NXF1: variants seen among roughly 807,000 people sequenced by gnomAD.
The protein encoded by NXF1 is nuclear RNA export factor 1.
NXF1 carries 43 observed loss-of-function variants against 92.4 expected under a neutral mutation model. The ratio of observed to expected loss-of-function variants is 0.47; its 90% confidence interval spans 0.36 to 0.60. The LOEUF is 0.60. NXF1 is among the 20% of genes least tolerant of loss of function. NXF1 has a pLI of 0.00. For missense variants in NXF1, 576 were observed against 793.0 expected (o/e 0.73, Z 3.29); for synonymous variants, 288 against 292.2 (o/e 0.99, Z 0.15).
chr11:62,799,469 G>A, intron 10 of NXF1: 1 of 985,820 alleles, frequency 1.0e-6, no homozygotes, highest in Non-Finnish European at 1.2e-6. Context: ...GGGGGTGAGG[G>A]TCCATGCCCC....
Position 62,792,146 on chromosome 11 carries a change from A to G in NXF1, c.*330T>C. The G allele has an allele frequency of 4.3e-6, 3 of 691,274 alleles. No individual in the cohort carries two copies. Among genetic ancestry groups the G allele is most frequent in the Non-Finnish European group, 4.7e-6 (2 of 421,222 alleles). 42.8% of individuals were successfully genotyped at this position (691,274 alleles called of 1,614,324 possible). A position where few individuals can be genotyped will look rare whatever the true frequency, so the allele number is the denominator to read the frequency against. On this transcript the variant is annotated 3_prime_UTR_variant, in exon 21 of 21. Coordinates refer to ENST00000294172, the MANE Select transcript of NXF1 (RefSeq NM_006362.5). ...AACACGAAATACAACATCACTCTTTATATTAAAAAGTGCAGAACACGAAAT... is the reference window on the plus strand; with the variant it reads ...AACACGAAATACAACATCACTCTTTGTATTAAAAAGTGCAGAACACGAAAT...
At position 62,803,984 on chromosome 11, in the gene NXF1, G is replaced by A. The variant is rs2084507733; in HGVS notation, c.29-6C>T. 3 of 1,611,760 alleles carry A rather than the reference G, an allele frequency of 1.9e-6. No homozygotes were observed. The highest frequency in any genetic ancestry group is 1.7e-4 in the Middle Eastern group (1 of 6,052). ...AACGCGTTCATCATCGTGTTCTAGA[G>A]TTAGAAACAGGAACACAAATTAGAA... On this transcript the variant is annotated splice_region_variant and splice_polypyrimidine_tract_variant and intron_variant, in intron 1 of 20. Transcript: ENST00000294172.
At chr11:62,798,648 A>AC in intron 10 of NXF1, 73 bp from the exon 11 acceptor site, 1 of 1,602,512 alleles carries the variant, frequency 6.2e-7, no homozygotes, top group Non-Finnish European at 8.5e-7. Flanking sequence ...AGGAGCAAAT[A>AC]TACCAAACCC....
chr11:62,793,012 A>C (rs945445917), intron 19 of NXF1, among the ~76,000 whole-genome samples: 8 of 152,180 alleles, frequency 5.3e-5, no homozygotes, highest in Non-Finnish European at 1.0e-4. Flanking sequence ...TTTTACCTTT[A>C]AAGTTTTTTA....
chr11:62,800,169 A>G, intron 10 of NXF1: 1 of 1,402,978 alleles, frequency 7.1e-7, no homozygotes, highest in Non-Finnish European at 9.3e-7. Flanking sequence ...GCAAACAGAT[A>G]GTCAAGTCAG....
chr11:62,805,214 C>G, intron 1 of NXF1, 115 bp downstream of exon 1: 1 of 1,021,812 alleles, frequency 9.8e-7, no homozygotes, highest in Non-Finnish European at 1.3e-6. Context: ...CCGCGCGCCG[C>G]TCCCCGCGGA....
In NXF1 at chr11:62,796,125, C is replaced by T; in HGVS notation, c.1402G>A (p.Glu468Lys). ...ACGTCGTGCTGGGTTTTGGGCAACTCATTGAGGAAGGCAACAACGTTGAGA... is the reference window on the plus strand; with the variant it reads ...ACGTCGTGCTGGGTTTTGGGCAACTTATTGAGGAAGGCAACAACGTTGAGA... ...TRLNVVAFLN[E>K]LPKTQHDVNS... is the part of the protein sequence containing the mutation. Residue 468 changes from glutamate to lysine, a missense_variant, in exon 16 of 21, where the codon GAG becomes AAG. This residue lies in a region of NXF1 where 425 missense variants were observed against 635.2 expected (regional missense o/e 0.67). Transcript: ENST00000294172. 6.2e-7 allele frequency: 1 copy of T among 1,614,018 alleles called. No homozygotes were observed. Among genetic ancestry groups the T allele is most frequent in the Non-Finnish European group, 8.5e-7 (1 of 1,180,016 alleles).
intron 17 of NXF1, chr11:62,795,210 T>A: frequency 1.9e-6 from 1 of 537,828 alleles, no homozygotes; most frequent in Non-Finnish European, 3.4e-6. Flanking sequence ...GGGCACAGTG[T>A]CTCATGCGTA....
At chr11:62,798,829 C>A in intron 10 of NXF1, 1 of 1,302,514 alleles carries the variant, frequency 7.7e-7, no homozygotes, top group African/African-American at 1.5e-5. Context: ...GTACTCCAAG[C>A]CCAGGCTTTA....
In NXF1 at chr11:62,795,952, G is replaced by C; in HGVS notation, c.1462-9C>G. On this transcript the variant is annotated splice_polypyrimidine_tract_variant and intron_variant, in intron 16 of 20. Transcript: ENST00000294172. Reference sequence around the variant, plus strand: ...AAACACAGCAATGTGCTCTGAAAGAGAAGCAGCATCAGGTACAATGTACAC... The same window carrying C: ...AAACACAGCAATGTGCTCTGAAAGACAAGCAGCATCAGGTACAATGTACAC... 6.2e-7 allele frequency: 1 copy of C among 1,613,994 alleles called. No individual in the cohort carries two copies.
rs779021026 is a variant in NXF1 at position 62,801,993 on chromosome 11, G to C, written c.507C>G (p.Ala169=). 6.2e-6 allele frequency: 10 copies of C among 1,614,230 alleles called. No homozygotes were observed. Among genetic ancestry groups the C allele is most frequent in the Non-Finnish European group, 8.5e-6 (10 of 1,180,038 alleles). Reference sequence around the variant, plus strand: ...TATAGTTGACAGCCTTCAATGCAGAGGCAGTACTGGCGTCTTCAACGAAGA... The same window carrying C: ...TATAGTTGACAGCCTTCAATGCAGACGCAGTACTGGCGTCTTCAACGAAGA... ...AQFFVEDAST[A]SALKAVNYKI... is the part of the protein sequence containing the mutation. Residue 169 remains alanine, a synonymous_variant, in exon 5 of 21, where the codon GCC becomes GCG. Transcript: ENST00000294172.
At position 62,796,433 on chromosome 11, in the gene NXF1, G is replaced by A. The variant is rs76934823; in HGVS notation, c.1286+27C>T. On this transcript the variant is annotated intron_variant, in intron 14 of 20. Coordinates refer to ENST00000294172, the MANE Select transcript of NXF1 (RefSeq NM_006362.5). ...ATCTGCTGGGAAACCCAGTGGTCCC[G>A]GGCAGATTCTGGGATGTGATACTAA... 3.7e-3 allele frequency: 6,028 copies of A among 1,612,250 alleles called. 178 individuals are homozygous for A. In the African/African-American group the frequency reaches 0.068, roughly 18 times the overall value.
At position 62,795,022 on chromosome 11, in the gene NXF1, G is replaced by C; in HGVS notation, c.1505-15C>G. On this transcript the variant is annotated splice_polypyrimidine_tract_variant and intron_variant, in intron 17 of 20. Coordinates refer to ENST00000294172, the MANE Select transcript of NXF1 (RefSeq NM_006362.5). ...CTTTCCGTCCACTGCAATAAGAACA[G>C]CAACAACACCTTAGGGTCACTAGTG... 6.2e-7 allele frequency: 1 copy of C among 1,612,794 alleles called. No homozygotes were observed. Among genetic ancestry groups the C allele is most frequent in the Non-Finnish European group, 8.5e-7 (1 of 1,178,788 alleles).
At chr11:62,798,845 A>T (rs559444168) in intron 10 of NXF1, 3 of 1,271,688 alleles carry the variant, frequency 2.4e-6, no homozygotes. Flanking sequence ...CTTTAAGCCC[A>T]GGACCTCTTT....
intron 13 of NXF1, chr11:62,796,953 G>C: frequency 1.7e-6 from 1 of 579,194 alleles, no homozygotes; most frequent in South Asian, 2.1e-5. Flanking sequence ...TGTAGTCCCA[G>C]CTACTGGGGA....
At position 62,801,619 on chromosome 11, in the gene NXF1, T is replaced by C; in HGVS notation, c.652A>G (p.Lys218Glu). Residue 218 changes from lysine to glutamate, a missense_variant, in exon 7 of 21, where the codon AAA (lysine) becomes GAA (glutamate). Lys to Glu is a moderately conservative substitution (Grantham distance 56). Coordinates refer to ENST00000294172, the MANE Select transcript of NXF1 (RefSeq NM_006362.5). Reference protein sequence around the residue: ...QVEQLKLIMSKRYDGSQQALD... With the variant: ...QVEQLKLIMSERYDGSQQALD... ...GCTTGTTGGGAGCCATCGTATCGTT[T>C]GCTCATGATCAGCTAGAGGAAAAAG... 1.2e-5 allele frequency: 20 copies of C among 1,613,432 alleles called. No homozygotes were observed. Among genetic ancestry groups the C allele is most frequent in the Non-Finnish European group, 1.7e-5 (20 of 1,179,932 alleles).
intron 12 of NXF1, 32 bp downstream of exon 12, chr11:62,797,286 A>G: frequency 6.2e-7 from 1 of 1,613,990 alleles, no homozygotes; most frequent in East Asian, 2.2e-5. Context: ...TTCTCTCCAC[A>G]CACAAGTTCT....
chr11:62,801,034 C>A, intron 9 of NXF1, 60 bp downstream of exon 9: 3 of 1,299,118 alleles, frequency 2.3e-6, no homozygotes, highest in Admixed American at 1.7e-5. Context: ...CATCACTGGA[C>A]AAACTCTCTA....
chr11:62,795,941 G>C lies in NXF1; in HGVS notation c.1464C>G (p.Ser488Arg), dbSNP rs1467806168. The C allele has an allele frequency of 6.2e-7, 1 of 1,613,932 alleles. No individual in the cohort carries two copies. Among genetic ancestry groups the C allele is most frequent in the South Asian group, 1.1e-5 (1 of 91,086 alleles). Residue 488 changes from serine to arginine, a missense_variant and splice_region_variant, in exon 17 of 21, where the codon AGC becomes AGG. By Grantham distance (110) the Ser-to-Arg change is moderately radical. Transcript: ENST00000294172. ...CATTGACAGAAAAACACAGCAATGT[G>C]CTCTGAAAGAGAAGCAGCATCAGGT... ...SFVVDISAQT[S>R]TLLCFSVNGV...
Sources: allele counts gnomAD v4.1 joint callset (sites outside exome capture counted in the v4.1 genomes callset), GRCh38; gene constraint gnomAD v4.1.1; regional missense constraint gnomAD v4.1.1; transcripts MANE v1.5; gene names NCBI Gene and HGNC (gene_info 2026-07-23, HGNC 2026-07-21).